RIC1: variants seen among roughly 807,000 people sequenced by gnomAD.
The protein encoded by RIC1 is RIC1 partner of RAB6A GEF complex.
A neutral mutation model predicts 169.0 loss-of-function variants in RIC1; 88 were observed. That is an observed-to-expected ratio of 0.52 (90% CI 0.44 to 0.62). The LOEUF (loss-of-function observed/expected upper bound fraction) is 0.62. RIC1 is among the 20% of genes least tolerant of loss of function. The pLI is 0.00. For missense variants in RIC1, 1,877 were observed against 1,725.5 expected, an observed-to-expected ratio of 1.09 and a Z score of -1.56; for synonymous variants, 790 against 601.5, an observed-to-expected ratio of 1.31 and a Z score of -4.59.
At position 5,770,180 on chromosome 9, in the gene RIC1, G is replaced by T; in HGVS notation, c.3518G>T (p.Trp1173Leu). The part of the protein sequence containing the change: ...GISNIQRSQS[W>L]LSNIGPTHHE... ...TCCAACATCCAGCGAAGTCAGAGCTGGCTCAGCAACATTGGCCCCACCCAT... is the reference window on the plus strand; with the variant it reads ...TCCAACATCCAGCGAAGTCAGAGCTTGCTCAGCAACATTGGCCCCACCCAT... The change falls in exon 23 of 26, where the codon TGG becomes TTG. Residue 1173 changes from tryptophan to leucine, a missense_variant. This residue lies in a region of RIC1 where 681 missense variants were observed against 582.0 expected (regional missense o/e 1.17). Coordinates refer to ENST00000414202, the MANE Select transcript of RIC1 (RefSeq NM_020829.4). 6.2e-7 allele frequency: 1 copy of T among 1,613,922 alleles called. No individual in the cohort carries two copies. Among genetic ancestry groups the T allele is most frequent in the Non-Finnish European group, 8.5e-7 (1 of 1,179,900 alleles).
intron 17 of RIC1, among the ~76,000 whole-genome samples, chr9:5,759,410 A>G (rs1240376539): frequency 6.6e-6 from 1 of 152,238 alleles, no homozygotes; most frequent in Non-Finnish European, 1.5e-5. Flanking sequence ...GACAGCTACA[A>G]GTCACTAACA....
At chr9:5,673,694 T>C (rs1820265111) in intron 2 of RIC1, among the ~76,000 whole-genome samples, 1 of 151,678 alleles carries the variant, frequency 6.6e-6, no homozygotes, top group African/African-American at 2.4e-5. Context: ...TCTATGAATG[T>C]GGAAGAACAG....
intron 6 of RIC1, among the ~76,000 whole-genome samples, chr9:5,730,954 C>T (rs1016565241): frequency 3.3e-5 from 5 of 152,114 alleles, no homozygotes; most frequent in African/African-American, 1.2e-4. Flanking sequence ...GGTCTTTGAG[C>T]ATGCCAGAAA....
At chr9:5,755,311 G>A (rs1271823870) in intron 15 of RIC1, among the ~76,000 whole-genome samples, 1 of 152,114 alleles carries the variant, frequency 6.6e-6, no homozygotes, top group African/African-American at 2.4e-5. Flanking sequence ...GACCATCAGT[G>A]GATGCCTGAA....
At chr9:5,686,160 C>G (rs1586947139) in intron 2 of RIC1, among the ~76,000 whole-genome samples, 1 of 151,146 alleles carries the variant, frequency 6.6e-6, no homozygotes, top group East Asian at 1.9e-4. Context: ...GAAATAGGAA[C>G]AGTTTTACAC....
chr9:5,644,494 T>C (rs1818405579), intron 1 of RIC1, among the ~76,000 whole-genome samples: 1 of 152,232 alleles, frequency 6.6e-6, no homozygotes, highest in Non-Finnish European at 1.5e-5. Flanking sequence ...AGCTAAAGAA[T>C]GTGCATTGTA....
chr9:5,707,508 A>T (rs185535538), intron 3 of RIC1, among the ~76,000 whole-genome samples: 15 of 151,956 alleles, frequency 9.9e-5, no homozygotes, highest in Non-Finnish European at 1.9e-4. Context: ...TTTTCCCTTC[A>T]GTTTTGTGTT....
intron 4 of RIC1, among the ~76,000 whole-genome samples, chr9:5,718,358 G>A (rs1236558485): frequency 6.6e-6 from 1 of 152,046 alleles, no homozygotes; most frequent in East Asian, 1.9e-4. Flanking sequence ...TGATAGCCAT[G>A]AAGTCTTTGT....
chr9:5,734,931 C>T (rs907943197), intron 7 of RIC1, among the ~76,000 whole-genome samples: 3 of 152,172 alleles, frequency 2.0e-5, no homozygotes, highest in African/African-American at 4.8e-5. Flanking sequence ...ATCTTTATCA[C>T]ATGAGATAAT....
chr9:5,766,000 T>C (rs1329808824), intron 21 of RIC1, among the ~76,000 whole-genome samples: 1 of 152,218 alleles, frequency 6.6e-6, no homozygotes, highest in Admixed American at 6.5e-5. Flanking sequence ...CTGAATAGTT[T>C]CTGCCCCTTT....
rs561059674 is a variant in RIC1 at position 5,718,183 on chromosome 9, T to C, written c.441-1999T>C. 5.5e-5 allele frequency among the ~76,000 whole-genome samples: 8 copies of C among 145,290 alleles called. No individual in the cohort carries two copies. The South Asian group carries it at 1.8e-3, about 33-fold the overall frequency. ...AAAAAAAAAGTTCAGTTCTTGCTTA[T>C]ATAGGTGGAAAATAAAGTTTAGTAG... is the stretch of plus-strand genomic sequence containing the variant. On this transcript the variant is annotated intron_variant, in intron 4 of 25. Transcript: ENST00000414202.
chr9:5,715,176 TTTTA>T (rs1215999457), intron 4 of RIC1, among the ~76,000 whole-genome samples: 1 of 152,238 alleles, frequency 6.6e-6, no homozygotes, highest in Non-Finnish European at 1.5e-5. Context: ...TCACTTCACA[TTTTA>T]TTTATTTCAG....
chr9:5,669,491 C>T (rs570989422), intron 2 of RIC1, among the ~76,000 whole-genome samples: 6 of 152,174 alleles, frequency 3.9e-5, no homozygotes, highest in African/African-American at 1.4e-4. Flanking sequence ...GAGTAGTATT[C>T]GATGGTGTAT....
chr9:5,739,365 C>G (rs1323423827), intron 8 of RIC1, among the ~76,000 whole-genome samples: 1 of 152,142 alleles, frequency 6.6e-6, no homozygotes, highest in African/African-American at 2.4e-5. Context: ...TTAGTGGGCC[C>G]AAATCAATAA....
intron 1 of RIC1, among the ~76,000 whole-genome samples, chr9:5,652,085 C>G (rs139401481): frequency 6.6e-6 from 1 of 151,544 alleles, no homozygotes; most frequent in South Asian, 2.1e-4. Flanking sequence ...CTTTTATTGC[C>G]AGTACCATGG....
chr9:5,674,005 A>G (rs1007859029), intron 2 of RIC1, among the ~76,000 whole-genome samples: 4 of 152,200 alleles, frequency 2.6e-5, no homozygotes, highest in Non-Finnish European at 2.9e-5. Flanking sequence ...AGATTTATCA[A>G]CTGTGCTCGT....
At chr9:5,647,772 G>A (rs909249568) in intron 1 of RIC1, among the ~76,000 whole-genome samples, 3 of 152,102 alleles carry the variant, frequency 2.0e-5, no homozygotes, top group Non-Finnish European at 2.9e-5. Context: ...TAGGGCTTTA[G>A]GTATTACGTT....
At chr9:5,703,771 A>G (rs765777541) in intron 3 of RIC1, among the ~76,000 whole-genome samples, 6 of 152,210 alleles carry the variant, frequency 3.9e-5, no homozygotes, top group African/African-American at 9.6e-5. Flanking sequence ...TTATCCATGA[A>G]TCAGGTGATG....
chr9:5,764,449 A>T (rs551918248), intron 19 of RIC1, among the ~76,000 whole-genome samples: 1 of 152,306 alleles, frequency 6.6e-6, no homozygotes, highest in Non-Finnish European at 1.5e-5. Context: ...AACTCCTGAA[A>T]ATTTATTTCA....
Sources: allele counts gnomAD v4.1 joint callset (sites outside exome capture counted in the v4.1 genomes callset), GRCh38; gene constraint gnomAD v4.1.1; regional missense constraint gnomAD v4.1.1; transcripts MANE v1.5; gene names NCBI Gene and HGNC (gene_info 2026-07-23, HGNC 2026-07-21).